LDB2: variants seen among roughly 807,000 people sequenced by gnomAD.
The protein encoded by LDB2 is LIM domain-binding protein 2.
In LDB2, 12 loss-of-function variants were observed where a neutral mutation model predicts 44.3. The observed-to-expected ratio is 0.27, with a 90% confidence interval of 0.17 to 0.44. The LOEUF is 0.44. LDB2 is among the 20% of genes least tolerant of loss of function. The pLI, the probability that LDB2 is intolerant of heterozygous loss-of-function variation, is 1.00. For synonymous variants in LDB2, 164 were observed against 174.8 expected, an observed-to-expected ratio of 0.94 and a Z score of 0.49; for missense variants, 344 against 473.5, an observed-to-expected ratio of 0.73 and a Z score of 2.54.
intron 1 of LDB2, among the ~76,000 whole-genome samples, chr4:16,780,730 T>G (rs192351620): frequency 3.7e-4 from 56 of 150,868 alleles, no homozygotes; most frequent in Non-Finnish European, 5.6e-4. Context: ...TTTTTTTTTT[T>G]GTACAACTCA....
chr4:16,846,626 T>C (rs904088941), intron 1 of LDB2, among the ~76,000 whole-genome samples: 1 of 152,174 alleles, frequency 6.6e-6, no homozygotes, highest in Non-Finnish European at 1.5e-5. Context: ...CATTTATATG[T>C]TAAAAATACT....
chr4:16,689,718 G>A (rs1347041784), intron 2 of LDB2, among the ~76,000 whole-genome samples: 4 of 152,228 alleles, frequency 2.6e-5, no homozygotes, highest in Non-Finnish European at 4.4e-5. Context: ...AGGCCCCTGA[G>A]CATAGTAAAT....
intron 5 of LDB2, among the ~76,000 whole-genome samples, chr4:16,518,677 A>G (rs1724807892): frequency 6.6e-6 from 1 of 152,182 alleles, no homozygotes. Flanking sequence ...CTTCACAGAA[A>G]GTTTGTTGAC....
chr4:16,851,614 GA>G (rs541843612), intron 1 of LDB2, among the ~76,000 whole-genome samples: 246 of 151,108 alleles, frequency 1.6e-3, no homozygotes, highest in African/African-American at 4.9e-3. Context: ...AAAATAATAA[GA>G]AAAAAAAGAA....
At chr4:16,577,160 G>A (rs372733566) in intron 5 of LDB2, among the ~76,000 whole-genome samples, 4 of 152,052 alleles carry the variant, frequency 2.6e-5, no homozygotes, top group African/African-American at 7.2e-5. Flanking sequence ...TTTTCTTTAA[G>A]ATATGGAACA....
chr4:16,656,178 G>T (rs1739802879), intron 2 of LDB2, among the ~76,000 whole-genome samples: 1 of 152,154 alleles, frequency 6.6e-6, no homozygotes, highest in Admixed American at 6.5e-5. Flanking sequence ...GGGATTACAG[G>T]CGTGAGCCAC....
chr4:16,633,343 G>A lies in LDB2; in HGVS notation c.236-37468C>T, dbSNP rs945789069. 1.8e-4 allele frequency among the ~76,000 whole-genome samples: 27 copies of A among 152,034 alleles called. 1 individual carries two copies. The highest frequency in any genetic ancestry group is 1.3e-3 in the Admixed American group (20 of 15,252). On this transcript the variant is annotated intron_variant, in intron 2 of 7. Coordinates refer to ENST00000304523, the MANE Select transcript of LDB2 (RefSeq NM_001290.5). ...AGGAGATATACCTAATGTAAATGAC[G>A]AGTTAATGGGTGCAGCACACCAACA... is the stretch of plus-strand genomic sequence containing the variant.
chr4:16,673,727 G>A (rs970841558), intron 2 of LDB2, among the ~76,000 whole-genome samples: 11 of 152,132 alleles, frequency 7.2e-5, no homozygotes, highest in Admixed American at 1.3e-4. Flanking sequence ...CATATAGTAC[G>A]TAGAGGCCAG....
Position 16,759,277 on chromosome 4 carries a change from C to A in LDB2, c.133-17G>T, listed in dbSNP as rs756432991. ...GTCACTATCCTGCAAAGAGACAGAT[C>A]ATTTATTTAACAAGGGAAAGTGGGA... is the stretch of plus-strand genomic sequence containing the variant. On this transcript the variant is annotated splice_polypyrimidine_tract_variant and intron_variant, in intron 1 of 7. Coordinates refer to ENST00000304523, the MANE Select transcript of LDB2 (RefSeq NM_001290.5). The A allele has an allele frequency of 2.6e-5, 40 of 1,544,178 alleles. No individual in the cohort carries two copies. The highest frequency in any genetic ancestry group is 3.3e-5 in the Non-Finnish European group (37 of 1,117,254).
chr4:16,547,955 GT>G (rs944895191), intron 5 of LDB2, among the ~76,000 whole-genome samples: 12 of 143,036 alleles, frequency 8.4e-5, no homozygotes, highest in African/African-American at 3.0e-4. Flanking sequence ...CTTTTTTTTT[GT>G]TTGTTTTTTG....
chr4:16,739,648 ATG>A lies in LDB2; in HGVS notation c.235+19508_235+19509del, dbSNP rs1170545058. On this transcript the variant is annotated intron_variant, in intron 2 of 7. Coordinates refer to ENST00000304523, the MANE Select transcript of LDB2 (RefSeq NM_001290.5). ...TGTGTGTATATATGTATATATACAT[ATG>A]TGTGTATATATGTATATATACATAT... 5.2e-5 allele frequency among the ~76,000 whole-genome samples: 4 copies of A among 77,148 alleles called. 1 individual carries two copies. The highest frequency in any genetic ancestry group is 3.0e-4 in the Admixed American group (2 of 6,682). The allele number at this position is 77,148 out of a possible 152,430, so 50.6% of individuals were successfully genotyped here.
At chr4:16,710,957 A>C (rs887333591) in intron 2 of LDB2, among the ~76,000 whole-genome samples, 3 of 142,880 alleles carry the variant, frequency 2.1e-5, no homozygotes, top group Non-Finnish European at 4.7e-5. Flanking sequence ...ATTTTACTGC[A>C]ATCAGCAATG....
chr4:16,863,584 C>T (rs1051912551), intron 1 of LDB2, among the ~76,000 whole-genome samples: 2 of 151,132 alleles, frequency 1.3e-5, no homozygotes, highest in African/African-American at 2.4e-5. Flanking sequence ...GAGTTTTATA[C>T]AACAGAGGTG....
chr4:16,813,024 G>T (rs965637996), intron 1 of LDB2, among the ~76,000 whole-genome samples: 1 of 151,764 alleles, frequency 6.6e-6, no homozygotes, highest in Non-Finnish European at 1.5e-5. Context: ...TTGAGACAGG[G>T]TCTTGCTCTG....
intron 1 of LDB2, among the ~76,000 whole-genome samples, chr4:16,885,995 C>T (rs1721570945): frequency 6.6e-6 from 1 of 152,118 alleles, no homozygotes; most frequent in Admixed American, 6.6e-5. Flanking sequence ...GCAAGAGGAT[C>T]ACCATGAGCC....
intron 5 of LDB2, among the ~76,000 whole-genome samples, chr4:16,524,694 A>G (rs1490967008): frequency 6.6e-6 from 1 of 152,206 alleles, no homozygotes; most frequent in African/African-American, 2.4e-5. Flanking sequence ...ATTAGGGTTT[A>G]CATTAAACTG....
At chr4:16,739,704 GTGTATA>G (rs1476548940) in intron 2 of LDB2, among the ~76,000 whole-genome samples, 1 of 74,348 alleles carries the variant, frequency 1.3e-5, no homozygotes, top group African/African-American at 5.4e-5. Context: ...ATACATATAT[GTGTATA>G]TATGTATATA....
chr4:16,553,930 A>C (rs1738545965), intron 5 of LDB2, among the ~76,000 whole-genome samples: 1 of 152,160 alleles, frequency 6.6e-6, no homozygotes, highest in Non-Finnish European at 1.5e-5. Flanking sequence ...CCACACCCTC[A>C]AACTCTTAGC....
chr4:16,892,888 G>T (rs565757256), intron 1 of LDB2, among the ~76,000 whole-genome samples: 1 of 151,912 alleles, frequency 6.6e-6, no homozygotes, highest in Admixed American at 6.6e-5. Flanking sequence ...AATGTGCATT[G>T]ATTTTAGGCT....
Sources: gnomAD v4.1 joint callset for allele counts (sites outside exome capture counted in the v4.1 genomes callset) on GRCh38, gnomAD v4.1.1 for gene constraint, MANE v1.5 for transcripts, NCBI Gene and HGNC (gene_info 2026-07-23, HGNC 2026-07-21) for gene names.